OLFM4: variants seen among roughly 807,000 people sequenced by gnomAD.
OLFM4 encodes olfactomedin 4.
Under a neutral mutation model 25.5 loss-of-function variants are expected in OLFM4, and 22 were observed. The observed-to-expected ratio is 0.86, with a 90% CI of 0.62 to 1.23. The LOEUF (loss-of-function observed/expected upper bound fraction) is 1.23. Ranked by LOEUF, OLFM4 falls within the 50% of genes most tolerant of loss-of-function variation. OLFM4 has a pLI of 0.00. For synonymous variants in OLFM4, 255 were observed against 237.7 expected, an observed-to-expected ratio of 1.07 and a Z score of -0.67; for missense variants, 594 against 619.4, an observed-to-expected ratio of 0.96 and a Z score of 0.44.
intron 2 of OLFM4, 60 bp from the exon 3 acceptor site, chr13:53,041,850 G>A: frequency 8.3e-7 from 1 of 1,200,312 alleles, no homozygotes; most frequent in Non-Finnish European, 1.2e-6. Flanking sequence ...GCTCGGTAGT[G>A]GAAGAAGATG....
rs921534529 is a variant in OLFM4 at position 53,050,876 on chromosome 13, G to A, written c.*105G>A. Reference sequence around the variant, plus strand: ...TGTCTAAAAGTGTGTTCATTTTGCAGCAATGTTTAGGTGCATAGTTCTACC... The same window carrying A: ...TGTCTAAAAGTGTGTTCATTTTGCAACAATGTTTAGGTGCATAGTTCTACC... On this transcript the variant is annotated 3_prime_UTR_variant, in exon 5 of 5. Transcript: ENST00000219022. 7.2e-6 allele frequency: 7 copies of A among 971,780 alleles called. No homozygotes were observed. The highest frequency in any genetic ancestry group is 2.5e-5 in the East Asian group (1 of 39,928). The allele number at this position is 971,780 out of a possible 1,614,324, so 60.2% of individuals were successfully genotyped here. A position where few individuals can be genotyped will look rare whatever the true frequency, so the allele number is the denominator to read the frequency against.
intron 1 of OLFM4, among the ~76,000 whole-genome samples, chr13:53,029,627 G>C (rs761804036): frequency 6.6e-6 from 1 of 152,170 alleles, no homozygotes; most frequent in Non-Finnish European, 1.5e-5. Flanking sequence ...CAGAAATAAG[G>C]GGGGAGTTAC....
chr13:53,045,236 TTC>T (rs560426502), intron 4 of OLFM4, among the ~76,000 whole-genome samples: 165 of 152,172 alleles, frequency 1.1e-3, no homozygotes, highest in Admixed American at 2.5e-3. Flanking sequence ...GATTTTTTTT[TTC>T]CCAGAACTTT....
chr13:53,039,192 T>C (rs1184290744), intron 2 of OLFM4, among the ~76,000 whole-genome samples: 1 of 152,232 alleles, frequency 6.6e-6, no homozygotes, highest in Non-Finnish European at 1.5e-5. Context: ...CCAGAGAAGC[T>C]GAGGGTGTTT....
chr13:53,050,282 T>C lies in OLFM4; in HGVS notation c.1044T>C (p.Ile348=). The change falls in exon 5 of 5, where the codon ATT becomes ATC. Residue 348 remains isoleucine, a synonymous_variant. Coordinates refer to ENST00000219022, the MANE Select transcript of OLFM4 (RefSeq NM_006418.5). Reference sequence around the variant, plus strand: ...TCAACATGTACAACACCGGGAATATTGCCAGAGTTAACCTGACCACCAACA... The same window carrying C: ...TCAACATGTACAACACCGGGAATATCGCCAGAGTTAACCTGACCACCAACA... ...MYVNMYNTGN[I]ARVNLTTNTI... 1 of 1,614,112 alleles carries C rather than the reference T, an allele frequency of 6.2e-7. No individual in the cohort carries two copies. The highest frequency in any genetic ancestry group is 8.5e-7 in the Non-Finnish European group (1 of 1,179,966).
chr13:53,046,402 A>G (rs1954716269), intron 4 of OLFM4, among the ~76,000 whole-genome samples: 1 of 152,210 alleles, frequency 6.6e-6, no homozygotes, highest in Non-Finnish European at 1.5e-5. Flanking sequence ...GAATTGCATG[A>G]TGAAGAGAGT....
intron 4 of OLFM4, among the ~76,000 whole-genome samples, chr13:53,044,217 G>A (rs1409905799): frequency 6.6e-6 from 1 of 152,152 alleles, no homozygotes; most frequent in African/African-American, 2.4e-5. Flanking sequence ...AAGCCTTGCA[G>A]CAAAACAAAA....
In OLFM4 at chr13:53,050,060, G is replaced by C; in HGVS notation, c.822G>C (p.Trp274Cys). 6.2e-7 allele frequency: 1 copy of C among 1,613,964 alleles called. No individual in the cohort carries two copies. The highest frequency in any genetic ancestry group is 8.5e-7 in the Non-Finnish European group (1 of 1,179,928). Residue 274 changes from tryptophan (W) to cysteine (C), a missense_variant, in exon 5 of 5, where the codon TGG becomes TGC. Transcript: ENST00000219022. Reference protein sequence around the residue: ...WRGFSYLYGAWGRDYSPQHPN... With the variant: ...WRGFSYLYGACGRDYSPQHPN... ...GGTTTTCTTATCTATATGGTGCTTG[G>C]GGTAGGGATTACTCTCCCCAGCATC...
Position 53,028,915 on chromosome 13 carries a change from C to A in OLFM4, c.79C>A (p.Pro27Thr). 1 of 1,614,222 alleles carries A rather than the reference C, an allele frequency of 6.2e-7. No individual in the cohort carries two copies. Among genetic ancestry groups the A allele is most frequent in the Non-Finnish European group, 8.5e-7 (1 of 1,180,046 alleles). The change falls in exon 1 of 5, where the codon CCT becomes ACT. Residue 27 changes from proline to threonine, a missense_variant. Transcript: ENST00000219022. ...QAAGDLGDVG[P>T]PIPSPGFSSF... ...TGCAGGGGATTTGGGGGATGTGGGA[C>A]CTCCAATTCCCAGCCCCGGCTTCAG...
At chr13:53,036,595 T>C (rs934200523) in intron 2 of OLFM4, among the ~76,000 whole-genome samples, 2 of 152,180 alleles carry the variant, frequency 1.3e-5, no homozygotes, top group African/African-American at 4.8e-5. Context: ...GTTTTAGTTC[T>C]GAATGTGTCG....
intron 1 of OLFM4, among the ~76,000 whole-genome samples, chr13:53,029,255 C>G (rs1003103312): frequency 1.2e-4 from 18 of 152,206 alleles, no homozygotes; most frequent in Non-Finnish European, 2.4e-4. Context: ...CCAGCTGGGA[C>G]TTTTGGGAAT....
At chr13:53,034,623 G>A (rs920636345) in intron 2 of OLFM4, 123 bp downstream of exon 2, 3 of 826,990 alleles carry the variant, frequency 3.6e-6, no homozygotes, top group Non-Finnish European at 5.5e-6. Context: ...ATTCTATGGT[G>A]ATTTTAGTAT....
At chr13:53,032,125 T>C (rs1246629556) in intron 1 of OLFM4, among the ~76,000 whole-genome samples, 6 of 152,270 alleles carry the variant, frequency 3.9e-5, no homozygotes, top group East Asian at 3.9e-4. Flanking sequence ...TAGAAACCGA[T>C]GGAATGGCTG....
At chr13:53,047,361 C>T (rs994473966) in intron 4 of OLFM4, among the ~76,000 whole-genome samples, 11 of 152,080 alleles carry the variant, frequency 7.2e-5, no homozygotes, top group South Asian at 2.1e-4. Context: ...GTTTCAGTAT[C>T]GTGTCCAAGA....
At chr13:53,029,154 C>A in intron 1 of OLFM4, 114 bp downstream of exon 1, 1 of 1,468,578 alleles carries the variant, frequency 6.8e-7, no homozygotes, top group Non-Finnish European at 9.1e-7. Context: ...AGATTTACGA[C>A]TCATTTTGTT....
intron 4 of OLFM4, among the ~76,000 whole-genome samples, chr13:53,047,518 A>C (rs1954721937): frequency 6.6e-6 from 1 of 152,172 alleles, no homozygotes; most frequent in South Asian, 2.1e-4. Flanking sequence ...CCCTAAAAAT[A>C]GCCCTTTATC....
chr13:53,033,721 T>G (rs1355388414), intron 1 of OLFM4, among the ~76,000 whole-genome samples: 1 of 152,190 alleles, frequency 6.6e-6, no homozygotes, highest in African/African-American at 2.4e-5. Context: ...TCTCATAGCT[T>G]CTTTATTTCC....
chr13:53,047,635 G>T, intron 4 of OLFM4, among the ~76,000 whole-genome samples: 1 of 151,904 alleles, frequency 6.6e-6, no homozygotes, highest in East Asian at 1.9e-4. Context: ...ATTTACACTG[G>T]GCAATTTGAA....
chr13:53,050,611 A>G lies in OLFM4; in HGVS notation c.1373A>G (p.Asp458Gly). ...TRTEEIFYYY[D>G]TNTGKEGKLD... ...ACAGAAGAGATTTTTTACTATTATGACACAAACACAGGGAAAGAGGGCAAA... is the reference window on the plus strand; with the variant it reads ...ACAGAAGAGATTTTTTACTATTATGGCACAAACACAGGGAAAGAGGGCAAA... The change falls in exon 5 of 5, where the codon GAC becomes GGC. Residue 458 changes from aspartate (D) to glycine (G), a missense_variant. By Grantham distance (94) the Asp-to-Gly change is moderately conservative. Transcript: ENST00000219022. 1 of 1,614,028 alleles carries G rather than the reference A, an allele frequency of 6.2e-7. No individual in the cohort carries two copies.
Sources: gnomAD v4.1 joint callset for allele counts (sites outside exome capture counted in the v4.1 genomes callset) on GRCh38, gnomAD v4.1.1 for gene constraint, MANE v1.5 for transcripts, NCBI Gene and HGNC (gene_info 2026-07-23, HGNC 2026-07-21) for gene names.